Variants in NOS1AP observed in about 807,000 individuals in gnomAD.
NOS1AP encodes the protein carboxyl-terminal PDZ ligand of neuronal nitric oxide synthase protein.
Under a neutral mutation model 56.2 loss-of-function variants are expected in NOS1AP, and 21 were observed. The observed-to-expected ratio is 0.37, with a 90% CI of 0.26 to 0.54. NOS1AP has a LOEUF of 0.54. NOS1AP is among the 20% of genes least tolerant of loss of function. The pLI is 0.84. For missense variants in NOS1AP, 522 were observed against 657.8 expected (o/e 0.79, Z 2.26); for synonymous variants, 270 against 274.6 (o/e 0.98, Z 0.17).
At chr1:162,227,858 G>C (rs562264905) in intron 2 of NOS1AP, among the ~76,000 whole-genome samples, 4 of 152,156 alleles carry the variant, frequency 2.6e-5, no homozygotes, top group Non-Finnish European at 5.9e-5. Flanking sequence ...ACAGGTGGAA[G>C]ACCTGTCAAA....
intron 1 of NOS1AP, among the ~76,000 whole-genome samples, chr1:162,100,031 A>G (rs1368267647): frequency 7.2e-5 from 11 of 152,068 alleles, no homozygotes; most frequent in Admixed American, 1.3e-4. Context: ...CCAGTCTATC[A>G]TTGTTGGACA....
intron 4 of NOS1AP, chr1:162,317,872 A>G (rs934494160): frequency 2.0e-5 from 3 of 152,222 alleles, no homozygotes; most frequent in East Asian, 1.9e-4. Context: ...ACACTTTACT[A>G]AACATTAAAC....
chr1:162,196,624 G>A (rs1029907198), intron 2 of NOS1AP, among the ~76,000 whole-genome samples: 4 of 152,340 alleles, frequency 2.6e-5, no homozygotes, highest in South Asian at 4.1e-4. Flanking sequence ...TCAAGGGAGA[G>A]TCGTTGGGAA....
rs188806913 is a variant in NOS1AP at position 162,217,592 on chromosome 1, G to A, written c.177+63116G>A. 1.4e-4 allele frequency among the ~76,000 whole-genome samples: 21 copies of A among 152,172 alleles called. No individual in the cohort carries two copies. The East Asian group carries it at 3.7e-3, about 27-fold the overall frequency. On this transcript the variant is annotated intron_variant, in intron 2 of 9. Coordinates refer to ENST00000361897, the MANE Select transcript of NOS1AP (RefSeq NM_014697.3). The stretch of plus-strand genomic sequence containing the variant: ...GTTGTTGGCTTTTTGTTCAAGCACT[G>A]GTGTGCTTTAATGAGTATAGTTGTC...
In NOS1AP at chr1:162,357,273, T is replaced by C; in HGVS notation, c.939+137T>C. 7 of 1,479,116 alleles carry C rather than the reference T, an allele frequency of 4.7e-6. No homozygotes were observed. In the South Asian group the frequency reaches 6.1e-5, roughly 13 times the overall value. The allele number at this position is 1,479,116 out of a possible 1,614,324, so 91.6% of individuals were successfully genotyped here. A position where few individuals can be genotyped will look rare whatever the true frequency, so the allele number is the denominator to read the frequency against. On this transcript the variant is annotated intron_variant, in intron 8 of 9. Coordinates refer to ENST00000361897, the MANE Select transcript of NOS1AP (RefSeq NM_014697.3). The stretch of plus-strand genomic sequence containing the variant: ...GCTCATGCTATTGGATCATTGCTTG[T>C]TGGGGAGTGGGGGCAGCGGGAGGGG...
intron 2 of NOS1AP, among the ~76,000 whole-genome samples, chr1:162,167,030 C>T (rs1344114046): frequency 6.6e-6 from 1 of 152,216 alleles, no homozygotes; most frequent in African/African-American, 2.4e-5. Flanking sequence ...GTTCACCACC[C>T]AGCCCTTTTG....
chr1:162,089,807 C>A (rs1261782395), intron 1 of NOS1AP, among the ~76,000 whole-genome samples: 1 of 152,208 alleles, frequency 6.6e-6, no homozygotes, highest in Non-Finnish European at 1.5e-5. Flanking sequence ...AGTTTCTCCT[C>A]TAGAGCCTCT....
At chr1:162,291,725 A>G (rs529023960) in intron 3 of NOS1AP, among the ~76,000 whole-genome samples, 1 of 152,346 alleles carries the variant, frequency 6.6e-6, no homozygotes, top group Non-Finnish European at 1.5e-5. Context: ...GCCAACAGAT[A>G]ATGAATCTCA....
At chr1:162,291,039 AC>A (rs1231598361) in intron 3 of NOS1AP, among the ~76,000 whole-genome samples, 2 of 139,618 alleles carry the variant, frequency 1.4e-5, no homozygotes, top group African/African-American at 5.2e-5. Flanking sequence ...AAAAAAAAAA[AC>A]CCACAAAAGA....
intron 2 of NOS1AP, among the ~76,000 whole-genome samples, chr1:162,256,461 C>T (rs563419693): frequency 1.3e-5 from 2 of 152,180 alleles, no homozygotes; most frequent in Non-Finnish European, 2.9e-5. Context: ...ATCCCCGCAC[C>T]GATTGTGGAC....
At chr1:162,306,230 G>A (rs1381414674) in intron 4 of NOS1AP, among the ~76,000 whole-genome samples, 2 of 152,186 alleles carry the variant, frequency 1.3e-5, no homozygotes, top group East Asian at 1.9e-4. Context: ...CCGGAAGGCT[G>A]TTGGCTCTTC....
chr1:162,277,615 G>T (rs1434609736), intron 2 of NOS1AP, among the ~76,000 whole-genome samples: 1 of 152,150 alleles, frequency 6.6e-6, no homozygotes, highest in African/African-American at 2.4e-5. Flanking sequence ...GAAATTCAAC[G>T]GGTAGAAGAC....
chr1:162,123,113 A>C (rs566447053), intron 1 of NOS1AP, among the ~76,000 whole-genome samples: 1 of 151,466 alleles, frequency 6.6e-6, no homozygotes, highest in African/African-American at 2.5e-5. Context: ...ATAATAGTAG[A>C]TTCATTTGTT....
At chr1:162,225,150 T>G (rs1652900247) in intron 2 of NOS1AP, among the ~76,000 whole-genome samples, 1 of 152,202 alleles carries the variant, frequency 6.6e-6, no homozygotes, top group South Asian at 2.1e-4. Flanking sequence ...GCACAAACTT[T>G]AGCCATGTCT....
chr1:162,118,308 T>C (rs925495603), intron 1 of NOS1AP, among the ~76,000 whole-genome samples: 1 of 152,192 alleles, frequency 6.6e-6, no homozygotes, highest in Non-Finnish European at 1.5e-5. Context: ...TGCACGTTCA[T>C]GTGTATTCAG....
chr1:162,255,695 A>C (rs1445115948), intron 2 of NOS1AP, among the ~76,000 whole-genome samples: 3 of 152,044 alleles, frequency 2.0e-5, no homozygotes, highest in African/African-American at 7.2e-5. Context: ...CTTTAAAGAA[A>C]GACCTCTGTA....
intron 1 of NOS1AP, among the ~76,000 whole-genome samples, chr1:162,141,152 A>G (rs1042021326): frequency 3.3e-5 from 5 of 151,826 alleles, no homozygotes; most frequent in African/African-American, 7.3e-5. Flanking sequence ...ATGGAGCTTC[A>G]ATGTGAAATA....
At chr1:162,259,231 A>G (rs560127637) in intron 2 of NOS1AP, among the ~76,000 whole-genome samples, 16 of 152,324 alleles carry the variant, frequency 1.1e-4, no homozygotes, top group African/African-American at 3.6e-4. Flanking sequence ...ATCTTTTGAA[A>G]GACTATCCCA....
At chr1:162,231,171 G>A (rs1018343735) in intron 2 of NOS1AP, among the ~76,000 whole-genome samples, 6 of 152,246 alleles carry the variant, frequency 3.9e-5, no homozygotes, top group Admixed American at 6.5e-5. Flanking sequence ...TTTTAATAGT[G>A]AGCATCCTAA....
Sources: gnomAD v4.1 joint callset for allele counts (sites outside exome capture counted in the v4.1 genomes callset) on GRCh38, gnomAD v4.1.1 for gene constraint, MANE v1.5 for transcripts, NCBI Gene and HGNC (gene_info 2026-07-23, HGNC 2026-07-21) for gene names.